Variants in PRKCB observed in about 807,000 individuals in gnomAD.
PRKCB encodes the protein protein kinase C beta type.
In PRKCB, 13 loss-of-function variants were observed where a neutral mutation model predicts 81.5. The ratio of observed to expected loss-of-function variants is 0.16; its 90% CI spans 0.10 to 0.25. PRKCB has a LOEUF of 0.25. Among genes scored for constraint, PRKCB ranks in the 10% least tolerant of loss-of-function variants. The pLI is 1.00. For missense variants in PRKCB, 509 were observed against 875.7 expected, an observed-to-expected ratio of 0.58 and a Z score of 5.29; for synonymous variants, 335 against 321.4, an observed-to-expected ratio of 1.04 and a Z score of -0.45.
At chr16:24,209,254 G>A (rs1345177310) in intron 16 of PRKCB, among the ~76,000 whole-genome samples, 2 of 152,036 alleles carry the variant, frequency 1.3e-5, no homozygotes, top group Non-Finnish European at 2.9e-5. Context: ...GTCACACCAG[G>A]ATGCCATACC....
At chr16:23,904,652 G>A (rs1198650731) in intron 2 of PRKCB, among the ~76,000 whole-genome samples, 1 of 152,126 alleles carries the variant, frequency 6.6e-6, no homozygotes, top group Non-Finnish European at 1.5e-5. Context: ...GACAGAGCGA[G>A]TCTTCATCTC....
At chr16:24,006,763 T>C (rs989451248) in intron 3 of PRKCB, among the ~76,000 whole-genome samples, 5 of 151,940 alleles carry the variant, frequency 3.3e-5, no homozygotes, top group African/African-American at 1.2e-4. Flanking sequence ...TTTAAAATGT[T>C]CTTTCAAAGA....
Position 24,218,353 on chromosome 16 carries a change from T to A in PRKCB, c.*3537T>A. 3 of 985,250 alleles carry A rather than the reference T, an allele frequency of 3.0e-6. No individual in the cohort carries two copies. The highest frequency in any genetic ancestry group is 3.6e-6 in the Non-Finnish European group (3 of 829,924). 61.0% of individuals were successfully genotyped at this position (985,250 alleles called of 1,614,324 possible). A position where few individuals can be genotyped will look rare whatever the true frequency, so the allele number is the denominator to read the frequency against. ...AGCGCCTGGGGGATGGAAACTCCTA[T>A]AGCACCCCACAGGCTAACAGCAAGC... On this transcript the variant is annotated 3_prime_UTR_variant, in exon 17 of 17. Transcript: ENST00000643927.
At chr16:23,900,718 G>GTATTTTTT (rs1963456921) in intron 2 of PRKCB, among the ~76,000 whole-genome samples, 1 of 62,232 alleles carries the variant, frequency 1.6e-5, no homozygotes, top group African/African-American at 7.0e-5. Context: ...AGCTGCACAG[G>GTATTTTTT]TTTTTTTTTT....
intron 2 of PRKCB, among the ~76,000 whole-genome samples, chr16:23,932,940 G>A (rs932655319): frequency 1.3e-5 from 2 of 152,138 alleles, no homozygotes; most frequent in Non-Finnish European, 2.9e-5. Context: ...CTTTCTGGAG[G>A]GAGAATTTCA....
chr16:24,006,731 T>A (rs1467846007), intron 3 of PRKCB, among the ~76,000 whole-genome samples: 2 of 151,264 alleles, frequency 1.3e-5, no homozygotes, highest in South Asian at 4.2e-4. Context: ...TCAAGTTGCC[T>A]AACAAACTCT....
intron 5 of PRKCB, among the ~76,000 whole-genome samples, chr16:24,072,871 G>A (rs1222903861): frequency 6.6e-6 from 1 of 151,966 alleles, no homozygotes; most frequent in Non-Finnish European, 1.5e-5. Context: ...TGTGCGCCAC[G>A]CACCTGGCCT....
rs1258568565 is a variant in PRKCB at position 24,185,498 on chromosome 16, A to G, written c.1653A>G (p.Gln551=). The G allele has an allele frequency of 5.0e-6, 8 of 1,614,096 alleles. No individual in the cohort carries two copies. The highest frequency in any genetic ancestry group is 6.8e-6 in the Non-Finnish European group (8 of 1,179,980). ...GGGAGGATGAAGATGAACTCTTCCA[A>G]TCCATCATGGAACACAACGTAGCCT... is the stretch of plus-strand genomic sequence containing the variant. ...FEGEDEDELF[Q]SIMEHNVAYP... is the part of the protein sequence containing the mutation. The change falls in exon 15 of 17, where the codon CAA becomes CAG. Residue 551 remains glutamine (Q), a synonymous_variant. Coordinates refer to ENST00000643927, the MANE Select transcript of PRKCB (RefSeq NM_002738.7).
intron 2 of PRKCB, among the ~76,000 whole-genome samples, chr16:23,837,663 G>C (rs1026711585): frequency 6.6e-6 from 1 of 152,110 alleles, no homozygotes; most frequent in African/African-American, 2.4e-5. Context: ...GAGTCAAAGC[G>C]GTCTCCTGAA....
chr16:23,920,696 G>T (rs374927169), intron 2 of PRKCB, among the ~76,000 whole-genome samples: 36 of 152,292 alleles, frequency 2.4e-4, no homozygotes, highest in African/African-American at 8.2e-4. Context: ...GAGACAGGCT[G>T]CTCAGGGCTG....
chr16:24,191,246 T>C lies in PRKCB; in HGVS notation c.1863+16T>C. 6.2e-7 allele frequency: 1 copy of C among 1,613,616 alleles called. No individual in the cohort carries two copies. The highest frequency in any genetic ancestry group is 1.1e-5 in the South Asian group (1 of 91,052). ...GCCAAAAGCTGTAAGTAGCCCATTC[T>C]CTCTGACTGCCGGGTATTCACACAC... On this transcript the variant is annotated intron_variant, in intron 16 of 16. Transcript: ENST00000643927.
intron 3 of PRKCB, among the ~76,000 whole-genome samples, chr16:23,989,918 C>T (rs28703299): frequency 1.3e-5 from 2 of 152,100 alleles, no homozygotes; most frequent in East Asian, 3.9e-4. Flanking sequence ...GGGAAAGAGT[C>T]TAGGAAAGAT....
intron 7 of PRKCB, among the ~76,000 whole-genome samples, chr16:24,107,843 CT>C (rs1413454519): frequency 6.6e-6 from 1 of 152,228 alleles, no homozygotes; most frequent in Non-Finnish European, 1.5e-5. Context: ...TGGATGACAG[CT>C]GGTCAATTCC....
chr16:23,883,659 C>T (rs935300401), intron 2 of PRKCB, among the ~76,000 whole-genome samples: 1 of 152,158 alleles, frequency 6.6e-6, no homozygotes, highest in African/African-American at 2.4e-5. Flanking sequence ...GCACGGGCAG[C>T]AGTGCAGAGG....
intron 9 of PRKCB, among the ~76,000 whole-genome samples, chr16:24,146,756 A>C (rs1212340214): frequency 6.6e-6 from 1 of 152,114 alleles, no homozygotes; most frequent in Non-Finnish European, 1.5e-5. Context: ...GGGGGAACAG[A>C]TGTGGCTTGG....
Position 24,219,930 on chromosome 16 carries a change from T to A in PRKCB, c.*5114T>A. 1 of 1,609,706 alleles carries A rather than the reference T, an allele frequency of 6.2e-7. No homozygotes were observed. Among genetic ancestry groups the A allele is most frequent in the Non-Finnish European group, 8.5e-7 (1 of 1,177,468 alleles). On this transcript the variant is annotated 3_prime_UTR_variant, in exon 17 of 17. Coordinates refer to ENST00000643927, the MANE Select transcript of PRKCB (RefSeq NM_002738.7). ...TGGTCCTGTGTCTTTCTTCTTACGC[T>A]GTGTTAATGTGTTTACTTTCCATTT...
chr16:24,193,567 AG>A (rs1967832020), intron 16 of PRKCB, among the ~76,000 whole-genome samples: 2 of 152,124 alleles, frequency 1.3e-5, no homozygotes, highest in Admixed American at 1.3e-4. Context: ...CAAAAACCTC[AG>A]CCTCCCAAAG....
At chr16:24,137,031 C>T (rs2141940296) in intron 9 of PRKCB, among the ~76,000 whole-genome samples, 1 of 149,298 alleles carries the variant, frequency 6.7e-6, no homozygotes, top group South Asian at 2.3e-4. Flanking sequence ...GCGCATGCCA[C>T]CATGCCCGGC....
intron 2 of PRKCB, among the ~76,000 whole-genome samples, chr16:23,858,756 A>G (rs1031331951): frequency 3.9e-5 from 6 of 152,192 alleles, no homozygotes; most frequent in African/African-American, 1.4e-4. Flanking sequence ...AGAGGGTTAC[A>G]TACAGCAGGC....
Sources: gnomAD v4.1 joint callset for allele counts (sites outside exome capture counted in the v4.1 genomes callset) on GRCh38, gnomAD v4.1.1 for gene constraint, MANE v1.5 for transcripts, NCBI Gene and HGNC (gene_info 2026-07-23, HGNC 2026-07-21) for gene names.